The following PRKG1 variants were observed in gnomAD, a reference collection of about 807,000 sequenced individuals.
PRKG1 encodes the protein protein kinase cGMP-dependent 1.
In PRKG1, 35 loss-of-function variants were observed where a neutral mutation model predicts 88.1. That is an observed-to-expected ratio of 0.40 (90% CI 0.30 to 0.53). PRKG1 has a LOEUF of 0.53. PRKG1 is among the 20% of genes least tolerant of loss of function. The probability of loss-of-function intolerance (pLI) is 0.59; values close to 1 mark genes in which losing one functional copy is unlikely to be tolerated. For missense variants in PRKG1, 540 were observed against 839.8 expected, an observed-to-expected ratio of 0.64 and a Z score of 4.41; for synonymous variants, 303 against 292.5, an observed-to-expected ratio of 1.04 and a Z score of -0.37.
intron 5 of PRKG1, among the ~76,000 whole-genome samples, chr10:51,942,237 G>T (rs1259133009): frequency 1.3e-5 from 2 of 151,982 alleles, no homozygotes; most frequent in African/African-American, 2.4e-5. Context: ...TTTTTTGGCT[G>T]CATAAATGTC....
intron 2 of PRKG1, among the ~76,000 whole-genome samples, chr10:51,408,854 G>A (rs1423951640): frequency 2.6e-5 from 4 of 152,186 alleles, no homozygotes; most frequent in Non-Finnish European, 4.4e-5. Flanking sequence ...CTCTTCTGCT[G>A]AGGTCATCCA....
intron 2 of PRKG1, among the ~76,000 whole-genome samples, chr10:51,347,867 C>T (rs1213533023): frequency 6.6e-6 from 1 of 151,518 alleles, no homozygotes; most frequent in Non-Finnish European, 1.5e-5. Context: ...CGAGACCATC[C>T]TGGCTAACAC....
intron 2 of PRKG1, among the ~76,000 whole-genome samples, chr10:51,457,347 G>A (rs1025312051): frequency 1.3e-5 from 2 of 152,152 alleles, no homozygotes; most frequent in Non-Finnish European, 2.9e-5. Flanking sequence ...AATATGGTAT[G>A]TTCTCACTTA....
chr10:51,273,348 CAAAAA>C (rs35237197), intron 2 of PRKG1, among the ~76,000 whole-genome samples: 4 of 118,660 alleles, frequency 3.4e-5, no homozygotes, highest in African/African-American at 6.1e-5. Context: ...CCATCTCTTC[CAAAAA>C]AAAAAAAAAA....
intron 1 of PRKG1, among the ~76,000 whole-genome samples, chr10:51,126,193 T>TAA (rs1845404208): frequency 8.2e-6 from 1 of 121,808 alleles, no homozygotes; most frequent in East Asian, 2.5e-4. Flanking sequence ...TATATAATTA[T>TAA]TTATATGTTA....
At position 51,617,917 on chromosome 10, in the gene PRKG1, A is replaced by G. The variant is rs1025783600; in HGVS notation, c.592+150081A>G. Among the ~76,000 whole-genome samples the G allele has an allele frequency of 3.9e-5, 6 of 152,350 alleles. No individual in the cohort carries two copies. The East Asian group carries it at 5.8e-4, about 15-fold the overall frequency. ...TGTAAGAGGTTAAACCTTTATCCAG[A>G]CAATTTAAGCATGAAATAACAGATG... is the stretch of plus-strand genomic sequence containing the variant. On this transcript the variant is annotated intron_variant, in intron 3 of 17. Coordinates refer to ENST00000373980, the MANE Select transcript of PRKG1 (RefSeq NM_006258.4).
intron 7 of PRKG1, among the ~76,000 whole-genome samples, chr10:52,085,836 C>T (rs1482034800): frequency 2.0e-5 from 3 of 152,060 alleles, no homozygotes; most frequent in Non-Finnish European, 4.4e-5. Context: ...TGGTTCCTAA[C>T]ATAAACATAT....
intron 2 of PRKG1, among the ~76,000 whole-genome samples, chr10:51,397,882 C>T (rs781526219): frequency 6.6e-6 from 1 of 152,178 alleles, no homozygotes; most frequent in Non-Finnish European, 1.5e-5. Context: ...TCCTCGAAGG[C>T]AGAATGTGTC....
intron 2 of PRKG1, among the ~76,000 whole-genome samples, chr10:51,326,309 A>AC (rs750262421): frequency 6.6e-6 from 1 of 152,108 alleles, no homozygotes; most frequent in Non-Finnish European, 1.5e-5. Context: ...CAACTTGCAA[A>AC]TTTTTCAAGT....
intron 4 of PRKG1, among the ~76,000 whole-genome samples, chr10:51,895,039 T>A (rs1187940838): frequency 2.6e-5 from 4 of 152,186 alleles, no homozygotes; most frequent in African/African-American, 9.6e-5. Context: ...ATAGGGATAA[T>A]AGAGAAAGTT....
intron 2 of PRKG1, among the ~76,000 whole-genome samples, chr10:51,287,400 T>C (rs1840470056): frequency 6.6e-6 from 1 of 152,192 alleles, no homozygotes; most frequent in South Asian, 2.1e-4. Context: ...GATTTTTGGC[T>C]CTCAATAATT....
At chr10:51,264,397 C>T (rs1171373973) in intron 2 of PRKG1, among the ~76,000 whole-genome samples, 5 of 152,050 alleles carry the variant, frequency 3.3e-5, no homozygotes, top group Non-Finnish European at 5.9e-5. Flanking sequence ...AAGCTTGGTT[C>T]AGAAGATAGA....
At chr10:52,115,482 C>G (rs894667462) in intron 7 of PRKG1, among the ~76,000 whole-genome samples, 1 of 152,114 alleles carries the variant, frequency 6.6e-6, no homozygotes, top group Non-Finnish European at 1.5e-5. Flanking sequence ...ATTTCACAGG[C>G]TGTTCCTGGT....
At chr10:52,213,543 T>C (rs1415851852) in intron 9 of PRKG1, among the ~76,000 whole-genome samples, 1 of 152,190 alleles carries the variant, frequency 6.6e-6, no homozygotes, top group East Asian at 1.9e-4. Context: ...GACAGGGACA[T>C]AGGATGTGCT....
At chr10:51,374,094 ATAT>A (rs575257774) in intron 2 of PRKG1, among the ~76,000 whole-genome samples, 16 of 68,148 alleles carry the variant, frequency 2.3e-4, no homozygotes, top group South Asian at 1.2e-3. Flanking sequence ...AAAAAAAAAA[ATAT>A]ATATATATAT....
intron 4 of PRKG1, among the ~76,000 whole-genome samples, chr10:51,809,149 T>C (rs1437289712): frequency 2.0e-5 from 3 of 152,168 alleles, no homozygotes; most frequent in Non-Finnish European, 4.4e-5. Flanking sequence ...CTCCCAGTCA[T>C]GTGGTTTGGC....
intron 3 of PRKG1, among the ~76,000 whole-genome samples, chr10:51,498,319 C>G (rs1840920819): frequency 6.6e-6 from 1 of 152,052 alleles, no homozygotes; most frequent in Non-Finnish European, 1.5e-5. Flanking sequence ...CACAGAAAAA[C>G]AACATGGAGT....
intron 1 of PRKG1, 26 bp downstream of exon 1, chr10:51,074,927 C>A (rs1421501255): frequency 1.9e-6 from 3 of 1,562,464 alleles, no homozygotes; most frequent in African/African-American, 2.7e-5. Flanking sequence ...GCGCCGGGTC[C>A]ATGTGGCGCC....
chr10:51,946,544 T>A (rs1383233393), intron 5 of PRKG1, among the ~76,000 whole-genome samples: 1 of 152,094 alleles, frequency 6.6e-6, no homozygotes, highest in Non-Finnish European at 1.5e-5. Context: ...CTCTGCTTTT[T>A]AGAGTTTCCA....
Sources: allele counts gnomAD v4.1 joint callset (sites outside exome capture counted in the v4.1 genomes callset), GRCh38; gene constraint gnomAD v4.1.1; transcripts MANE v1.5; gene names NCBI Gene and HGNC (gene_info 2026-07-23, HGNC 2026-07-21).